Variants in TXNRD2 observed in about 807,000 individuals in gnomAD.
TXNRD2 encodes thioredoxin reductase 2, mitochondrial.
TXNRD2 carries 67 observed loss-of-function variants against 70.8 expected under a neutral mutation model. The observed-to-expected ratio is 0.95, with a 90% CI of 0.78 to 1.16. The LOEUF is 1.16. TXNRD2 is among the 50% of genes most tolerant of loss of function. The pLI is 0.00. For synonymous variants in TXNRD2, 301 were observed against 295.8 expected, an observed-to-expected ratio of 1.02 and a Z score of -0.18; for missense variants, 644 against 719.9, an observed-to-expected ratio of 0.89 and a Z score of 1.21.
At chr22:19,887,859 G>A (rs775346075) in intron 11 of TXNRD2, 1 of 152,378 alleles carries the variant, frequency 6.6e-6, no homozygotes, top group Non-Finnish European at 1.5e-5. Context: ...ATGGCCGCAA[G>A]CCCCAAGGAA....
Position 19,878,218 on chromosome 22 carries a change from A to G in TXNRD2, c.1348-31T>C, listed in dbSNP as rs562588616. ...AGCCGCACATCTCAGCCACCAGCCCAGGAGGGGGCTGGGTTGCGTCCACCC... is the reference window on the plus strand; with the variant it reads ...AGCCGCACATCTCAGCCACCAGCCCGGGAGGGGGCTGGGTTGCGTCCACCC... On this transcript the variant is annotated intron_variant, in intron 15 of 17. Transcript: ENST00000400521. 1.1e-5 allele frequency: 18 copies of G among 1,602,860 alleles called. No individual in the cohort carries two copies. The South Asian group carries it at 2.0e-4, about 18-fold the overall frequency.
Position 19,883,364 on chromosome 22 carries a change from G to A in TXNRD2, c.1047C>T (p.Thr349=). The stretch of plus-strand genomic sequence containing the variant: ...CAATGGCGTAGATGTGGGGCACAGA[G>A]GTGGCTTCCCGGGAGTCCACCAGGA... ...QKILVDSREA[T]SVPHIYAIGD... Residue 349 remains threonine, a synonymous_variant, in exon 12 of 18, where the codon ACC becomes ACT. Coordinates refer to ENST00000400521, the MANE Select transcript of TXNRD2 (RefSeq NM_006440.5). 1 of 1,614,072 alleles carries A rather than the reference G, an allele frequency of 6.2e-7. No homozygotes were observed. Among genetic ancestry groups the A allele is most frequent in the Admixed American group, 1.7e-5 (1 of 60,032 alleles).
intron 8 of TXNRD2, among the ~76,000 whole-genome samples, chr22:19,910,588 C>T (rs1940360580): frequency 6.6e-6 from 1 of 152,182 alleles, no homozygotes; most frequent in African/African-American, 2.4e-5. Context: ...AAATCAACAG[C>T]CCTGCAGAGG....
intron 2 of TXNRD2, among the ~76,000 whole-genome samples, chr22:19,924,045 C>G (rs1025575542): frequency 1.3e-5 from 2 of 151,576 alleles, no homozygotes; most frequent in African/African-American, 4.9e-5. Flanking sequence ...GTTGCCCAGG[C>G]ACTGGTGTGC....
intron 1 of TXNRD2, chr22:19,938,006 CTCT>C (rs1270781722): frequency 6.6e-6 from 1 of 152,284 alleles, no homozygotes; most frequent in Non-Finnish European, 1.5e-5. Flanking sequence ...GGGTCCCAGC[CTCT>C]TCTTCTGTCT....
chr22:19,911,757 C>G lies in TXNRD2; in HGVS notation c.592-310G>C, dbSNP rs1352755432. 3.9e-5 allele frequency among the ~76,000 whole-genome samples: 6 copies of G among 152,310 alleles called. No homozygotes were observed. In the East Asian group the frequency reaches 1.2e-3, roughly 29 times the overall value. On this transcript the variant is annotated intron_variant, in intron 7 of 17. Transcript: ENST00000400521. The stretch of plus-strand genomic sequence containing the variant: ...ACAGGGCCTGAGGTGGGTACAGCAA[C>G]TGCAGGGGCCATACAGGCAGACAGC...
chr22:19,919,713 C>T (rs377210161), intron 2 of TXNRD2, 114 bp from the exon 3 acceptor site: 25 of 1,026,614 alleles, frequency 2.4e-5, no homozygotes, highest in African/African-American at 1.1e-4. Flanking sequence ...CCTGGGCCTG[C>T]GGCTGCCCAC....
intron 1 of TXNRD2, chr22:19,933,312 A>AG: frequency 3.9e-6 from 2 of 514,058 alleles, no homozygotes; most frequent in Non-Finnish European, 7.1e-6. Context: ...TAGAGAACCA[A>AG]GGACTGCTGG....
chr22:19,896,546 G>A (rs755338595), intron 10 of TXNRD2, among the ~76,000 whole-genome samples: 18 of 152,056 alleles, frequency 1.2e-4, no homozygotes, highest in Admixed American at 3.9e-4. Context: ...CTCTGCTCCC[G>A]CCTAGAAATG....
chr22:19,895,690 C>G (rs1601410440), intron 10 of TXNRD2, 109 bp from the exon 11 acceptor site: 2 of 1,304,616 alleles, frequency 1.5e-6, no homozygotes, highest in Non-Finnish European at 2.1e-6. Context: ...GGGGTCTGTG[C>G]GGAAGACGGG....
At chr22:19,931,337 T>C (rs1941354070) in intron 1 of TXNRD2, among the ~76,000 whole-genome samples, 2 of 152,338 alleles carry the variant, frequency 1.3e-5, no homozygotes, top group African/African-American at 4.8e-5. Context: ...ACGCACACCA[T>C]ACCAACCACT....
intron 11 of TXNRD2, chr22:19,894,289 T>G (rs1476698259): frequency 6.6e-6 from 1 of 152,182 alleles, no homozygotes; most frequent in Non-Finnish European, 1.5e-5. Flanking sequence ...GGGACAGAGC[T>G]CAGTTTGGAG....
At chr22:19,884,440 C>A (rs534879013) in intron 11 of TXNRD2, 25 of 150,776 alleles carry the variant, frequency 1.7e-4, no homozygotes, top group African/African-American at 5.8e-4. Context: ...GGCCTCAGGC[C>A]CTGCTGCAGG....
intron 11 of TXNRD2, among the ~76,000 whole-genome samples, chr22:19,890,099 G>A (rs942753628): frequency 1.3e-5 from 2 of 152,206 alleles, no homozygotes; most frequent in South Asian, 4.1e-4. Flanking sequence ...TAAGCACAGG[G>A]CGCTGCCTCC....
At chr22:19,894,100 C>T (rs1363952867) in intron 11 of TXNRD2, 1 of 152,262 alleles carries the variant, frequency 6.6e-6, no homozygotes, top group African/African-American at 2.4e-5. Flanking sequence ...CAAATGCTAA[C>T]TCTAACAAAT....
chr22:19,928,252 T>C (rs2146082107), intron 2 of TXNRD2, among the ~76,000 whole-genome samples: 1 of 152,030 alleles, frequency 6.6e-6, no homozygotes, highest in South Asian at 2.1e-4. Flanking sequence ...AAAACATATA[T>C]CCACACAAAC....
intron 1 of TXNRD2, chr22:19,932,556 C>T: frequency 1.3e-6 from 2 of 1,482,314 alleles, no homozygotes; most frequent in Non-Finnish European, 1.8e-6. Flanking sequence ...AGGTCCGGGA[C>T]ACCCAGCACC....
chr22:19,931,246 C>T (rs1460330417), intron 1 of TXNRD2, 148 bp from the exon 2 acceptor site: 1 of 767,932 alleles, frequency 1.3e-6, no homozygotes, highest in East Asian at 2.7e-5. Context: ...ACTCGATACA[C>T]ATAGTCTGTG....
intron 8 of TXNRD2, among the ~76,000 whole-genome samples, chr22:19,909,588 CCACACACACCACTCA>C (rs1940239565): frequency 1.1e-5 from 1 of 93,656 alleles, no homozygotes; most frequent in Non-Finnish European, 2.2e-5. Flanking sequence ...CACACACACA[CCACACACACCACTCA>C]CACACACACA....
Sources: allele counts gnomAD v4.1 joint callset (sites outside exome capture counted in the v4.1 genomes callset), GRCh38; gene constraint gnomAD v4.1.1; transcripts MANE v1.5; gene names NCBI Gene and HGNC (gene_info 2026-07-23, HGNC 2026-07-21).